The following COL22A1 variants were observed in gnomAD, a reference collection of about 807,000 sequenced individuals.
The protein encoded by COL22A1 is collagen type XXII alpha 1 chain.
In COL22A1, 221 loss-of-function variants were observed where a neutral mutation model predicts 248.9. The observed-to-expected ratio is 0.89, with a 90% confidence interval of 0.80 to 0.99. The LOEUF is 0.99. Among genes scored for constraint, COL22A1 ranks in the 50% least tolerant of loss-of-function variants. The pLI, the probability that COL22A1 is intolerant of heterozygous loss-of-function variation, is 0.00. For missense variants in COL22A1, 2,240 were observed against 2,179.0 expected (o/e 1.03, Z -0.56); for synonymous variants, 891 against 793.4 (o/e 1.12, Z -2.07).
intron 34 of COL22A1, among the ~76,000 whole-genome samples, chr8:138,694,141 G>T (rs547710192): frequency 6.6e-6 from 1 of 152,324 alleles, no homozygotes; most frequent in South Asian, 2.1e-4. Context: ...TCCATGACTG[G>T]GATCCATTTC....
intron 55 of COL22A1, among the ~76,000 whole-genome samples, chr8:138,615,512 C>T (rs1435601039): frequency 3.5e-5 from 5 of 142,444 alleles, no homozygotes; most frequent in African/African-American, 7.9e-5. Flanking sequence ...GCCTGGGCGA[C>T]GGAGTGAGAC....
intron 10 of COL22A1, among the ~76,000 whole-genome samples, chr8:138,804,145 A>T (rs1817251008): frequency 6.6e-6 from 1 of 151,900 alleles, no homozygotes; most frequent in African/African-American, 2.4e-5. Flanking sequence ...TCAGTCAGTC[A>T]CTTTTATATT....
intron 45 of COL22A1, among the ~76,000 whole-genome samples, chr8:138,654,032 G>A (rs2130600286): frequency 6.6e-6 from 1 of 152,314 alleles, no homozygotes; most frequent in Non-Finnish European, 1.5e-5. Context: ...TCCTTTCATA[G>A]TGAGGAAATA....
intron 41 of COL22A1, among the ~76,000 whole-genome samples, chr8:138,676,288 C>T (rs1365684621): frequency 2.8e-5 from 3 of 106,668 alleles, no homozygotes; most frequent in East Asian, 3.3e-4. Flanking sequence ...CTCCGTTACT[C>T]GGGAGGCTGA....
intron 23 of COL22A1, among the ~76,000 whole-genome samples, chr8:138,729,573 ACTGT>A (rs1156918412): frequency 6.6e-6 from 1 of 152,206 alleles, no homozygotes; most frequent in Non-Finnish European, 1.5e-5. Flanking sequence ...GCTGGAAGCA[ACTGT>A]CTGAAAGTCT....
intron 60 of COL22A1, among the ~76,000 whole-genome samples, chr8:138,601,180 A>T (rs1262324701): frequency 2.0e-5 from 3 of 151,954 alleles, no homozygotes; most frequent in Non-Finnish European, 4.4e-5. Context: ...TCGGGGGGGA[A>T]CATCAACGCC....
chr8:138,771,400 A>G (rs918227566), intron 16 of COL22A1, among the ~76,000 whole-genome samples: 2 of 152,252 alleles, frequency 1.3e-5, no homozygotes, highest in African/African-American at 4.8e-5. Flanking sequence ...AACAGGCCAC[A>G]GGGCATCAGG....
At chr8:138,791,909 A>AT (rs939568584) in intron 12 of COL22A1, among the ~76,000 whole-genome samples, 2,187 of 150,596 alleles carry the variant, frequency 0.015, 26 homozygotes, top group Middle Eastern at 0.027. Context: ...TTGCTTGCTG[A>AT]TTTTTTTTTT....
At position 138,606,447 on chromosome 8, in the gene COL22A1, C is replaced by A. The variant is rs764816188; in HGVS notation, c.4038G>T (p.Gln1346His). 2 of 1,613,696 alleles carry A rather than the reference C, an allele frequency of 1.2e-6. No individual in the cohort carries two copies. Among genetic ancestry groups the A allele is most frequent in the Non-Finnish European group, 1.7e-6 (2 of 1,179,892 alleles). The change falls in exon 58 of 65, where the codon CAG (glutamine) becomes CAT (histidine). Residue 1346 changes from glutamine to histidine, a missense_variant. Transcript: ENST00000303045. ...GEPGPSGTPGQKGSKGENGSP... is the reference protein window; with the variant it reads ...GEPGPSGTPGHKGSKGENGSP... ...TGCCATTTTCCCCTTTGCTTCCTTT[C>A]TGGCCCTGCAAAGAGAAAACTGAGA...
intron 23 of COL22A1, among the ~76,000 whole-genome samples, chr8:138,735,162 A>G (rs1409461632): frequency 6.6e-6 from 1 of 152,224 alleles, no homozygotes; most frequent in Non-Finnish European, 1.5e-5. Flanking sequence ...CTGCACATGC[A>G]TCCCAGAACT....
At position 138,649,133 on chromosome 8, in the gene COL22A1, G is replaced by A. The variant is rs1269870274; in HGVS notation, c.3447+532C>T. Among the ~76,000 whole-genome samples, 3 of 152,226 alleles carry A rather than the reference G, an allele frequency of 2.0e-5. No homozygotes were observed. The East Asian group carries it at 5.8e-4, about 29-fold the overall frequency. On this transcript the variant is annotated intron_variant, in intron 46 of 64. Transcript: ENST00000303045. ...ACTCCCTACCTCTGTTTTGCTCCAG[G>A]ACAGACCATGAACTCCTTTAGAATA...
intron 47 of COL22A1, among the ~76,000 whole-genome samples, chr8:138,641,701 T>C (rs983990907): frequency 4.6e-5 from 7 of 152,176 alleles, no homozygotes; most frequent in Non-Finnish European, 1.0e-4. Context: ...GGGAAGTTAC[T>C]TCCCCGATGC....
chr8:138,745,926 T>C (rs976744043), intron 22 of COL22A1, among the ~76,000 whole-genome samples: 1 of 152,162 alleles, frequency 6.6e-6, no homozygotes, highest in African/African-American at 2.4e-5. Flanking sequence ...AGGCAGGAAA[T>C]TAAAGCCTTG....
At chr8:138,901,369 G>GT (rs1396582556) in intron 1 of COL22A1, among the ~76,000 whole-genome samples, 5,307 of 118,690 alleles carry the variant, frequency 0.045, 445 homozygotes, top group African/African-American at 0.15. Context: ...TTTTTTTTTT[G>GT]TTTTTTTTTT....
intron 39 of COL22A1, among the ~76,000 whole-genome samples, chr8:138,683,151 C>G (rs1587851464): frequency 2.0e-5 from 3 of 152,178 alleles, no homozygotes. Flanking sequence ...GTTGACATAT[C>G]TGTTTTCCTG....
chr8:138,598,661 C>G, intron 61 of COL22A1, 58 bp downstream of exon 61: 2 of 1,514,864 alleles, frequency 1.3e-6, no homozygotes, highest in Non-Finnish European at 1.8e-6. Context: ...ACACACTTCC[C>G]TGGCTCCCCC....
At chr8:138,857,999 G>A (rs1822170253) in intron 3 of COL22A1, among the ~76,000 whole-genome samples, 1 of 152,200 alleles carries the variant, frequency 6.6e-6, no homozygotes, top group Admixed American at 6.5e-5. Flanking sequence ...GACAGCACAT[G>A]GCTTTGCCCT....
intron 3 of COL22A1, among the ~76,000 whole-genome samples, chr8:138,851,933 T>C (rs1162110330): frequency 6.6e-6 from 1 of 151,722 alleles, no homozygotes; most frequent in Non-Finnish European, 1.5e-5. Flanking sequence ...GTGGGGGCAG[T>C]AGTAGGGAAG....
intron 3 of COL22A1, among the ~76,000 whole-genome samples, chr8:138,856,992 T>C (rs1419922947): frequency 1.3e-5 from 2 of 152,160 alleles, no homozygotes; most frequent in African/African-American, 2.4e-5. Context: ...CCCCACCCTG[T>C]GCCTGCCCCT....
Sources: gnomAD v4.1 joint callset for allele counts (sites outside exome capture counted in the v4.1 genomes callset) on GRCh38, gnomAD v4.1.1 for gene constraint, MANE v1.5 for transcripts, NCBI Gene and HGNC (gene_info 2026-07-23, HGNC 2026-07-21) for gene names.